Variants in NCOR1 observed in about 807,000 individuals in gnomAD.
NCOR1 encodes nuclear receptor corepressor 1.
NCOR1 carries 63 observed loss-of-function variants against 288.1 expected under a neutral mutation model. The observed-to-expected ratio is 0.22, with a 90% CI of 0.18 to 0.27. The LOEUF (loss-of-function observed/expected upper bound fraction) is 0.27, where lower values mean the gene tolerates loss of function less well. NCOR1 is among the 10% of genes least tolerant of loss of function. The probability of loss-of-function intolerance (pLI) is 1.00; values close to 1 mark genes in which losing one functional copy is unlikely to be tolerated. For missense variants in NCOR1, 2,397 were observed against 3,019.2 expected (o/e 0.79, Z 4.83); for synonymous variants, 1,007 against 1,065.9 (o/e 0.94, Z 1.08).
chr17:16,047,020 T>C lies in NCOR1; in HGVS notation c.6610A>G (p.Met2204Val), dbSNP rs2058747814. 1 of 1,613,926 alleles carries C rather than the reference T, an allele frequency of 6.2e-7. No individual in the cohort carries two copies. The highest frequency in any genetic ancestry group is 8.5e-7 in the Non-Finnish European group (1 of 1,179,956). ...ATCTCCTGCTTCTTTGATTTAACCA[T>C]GGGTGATGTATTTTCAAGCTTGGTG... ...FFTKLENTSP[M>V]VKSKKQEIFR... Residue 2204 changes from methionine (M) to valine (V), a missense_variant, in exon 42 of 46, where the codon ATG (methionine) becomes GTG (valine). This residue lies in a region of NCOR1 where 1,872 missense variants were observed against 2,187.8 expected (regional missense o/e 0.86). Transcript: ENST00000268712.
chr17:16,173,700 C>A (rs1330327808), intron 3 of NCOR1, among the ~76,000 whole-genome samples: 1 of 152,100 alleles, frequency 6.6e-6, no homozygotes, highest in African/African-American at 2.4e-5. Context: ...GAGGCCGGGG[C>A]GTGTGGATCA....
At chr17:16,170,764 C>A (rs996315685) in intron 4 of NCOR1, among the ~76,000 whole-genome samples, 2 of 151,336 alleles carry the variant, frequency 1.3e-5, no homozygotes, top group Non-Finnish European at 2.9e-5. Flanking sequence ...GAACCAGGAC[C>A]CGGGAGGCGG....
chr17:16,184,348 A>G (rs1394047555), intron 3 of NCOR1, among the ~76,000 whole-genome samples: 1 of 152,202 alleles, frequency 6.6e-6, no homozygotes, highest in Non-Finnish European at 1.5e-5. Context: ...TTTATAAAGA[A>G]CTCATAAAAC....
rs1346756259 is a variant in NCOR1, at chr17:16,171,909, C to T, written c.329G>A (p.Arg110His). 3.7e-6 allele frequency: 6 copies of T among 1,613,140 alleles called. No individual in the cohort carries two copies. Among genetic ancestry groups the T allele is most frequent in the East Asian group, 2.2e-5 (1 of 44,830 alleles). The change falls in exon 4 of 46, where the codon CGT (arginine) becomes CAT (histidine). Residue 110 changes from arginine to histidine, a missense_variant. Arg to His is a conservative substitution (Grantham distance 29). Transcript: ENST00000268712. ...DHDSLESKRP[R>H]LEQVSDSHFQ... ...ATGAGAATCAGAAACCTGTTCCAGACGTGGTCGCTTCGATTCCAGTGAATC... is the reference window on the plus strand; with the variant it reads ...ATGAGAATCAGAAACCTGTTCCAGATGTGGTCGCTTCGATTCCAGTGAATC...
Position 16,064,052 on chromosome 17 carries a change from A to C in NCOR1, c.5221+16T>G. 6.2e-7 allele frequency: 1 copy of C among 1,613,622 alleles called. No homozygotes were observed. The highest frequency in any genetic ancestry group is 8.5e-7 in the Non-Finnish European group (1 of 1,179,648). On this transcript the variant is annotated intron_variant, in intron 35 of 45. Coordinates refer to ENST00000268712, the MANE Select transcript of NCOR1 (RefSeq NM_006311.4). ...AGATGTGTCCAGAGAATGGAAGAGC[A>C]GTGCCTTTCACTGACCTGGCCGCAG...
At chr17:16,045,657 C>T (rs144455669) in intron 42 of NCOR1, among the ~76,000 whole-genome samples, 2,617 of 151,946 alleles carry the variant, frequency 0.017, 49 homozygotes, top group Admixed American at 0.048. Flanking sequence ...TACAGGTGCA[C>T]GCCACCATGA....
intron 1 of NCOR1, among the ~76,000 whole-genome samples, chr17:16,199,216 AACACACACACACACAC>A (rs148297225): frequency 8.2e-6 from 1 of 122,320 alleles, no homozygotes; most frequent in Non-Finnish European, 1.6e-5. Flanking sequence ...AAAAAAAAAA[AACACACACACACACAC>A]ACACACACAC....
At chr17:16,130,339 C>T (rs1164888289) in intron 14 of NCOR1, among the ~76,000 whole-genome samples, 2 of 152,226 alleles carry the variant, frequency 1.3e-5, no homozygotes, top group African/African-American at 4.8e-5. Flanking sequence ...GCCAGTCAAT[C>T]CACATGGTCT....
intron 3 of NCOR1, among the ~76,000 whole-genome samples, chr17:16,177,843 T>A (rs1244832423): frequency 6.6e-6 from 1 of 152,220 alleles, no homozygotes; most frequent in Non-Finnish European, 1.5e-5. Flanking sequence ...AATCAAAGAA[T>A]ATTCATGAGA....
At chr17:16,183,659 C>A (rs2086005788) in intron 3 of NCOR1, among the ~76,000 whole-genome samples, 1 of 151,934 alleles carries the variant, frequency 6.6e-6, no homozygotes, top group African/African-American at 2.4e-5. Context: ...TCCACACAAC[C>A]CAAAGAAATA....
rs1056607772 is a variant in NCOR1, at chr17:16,215,307, C to T, written c.-71+55G>A. 1.0e-5 allele frequency: 4 copies of T among 390,462 alleles called. No individual in the cohort carries two copies. The East Asian group carries it at 1.1e-4, about 11-fold the overall frequency. The allele number at this position is 390,462 out of a possible 1,614,324, so 24.2% of individuals were successfully genotyped here. ...TGCTGCCCCGGGAGCCCTCGGAAGC[C>T]CCCGGACTAGCAGGAGCCCGGAGGC... On this transcript the variant is annotated intron_variant, in intron 1 of 45. Coordinates refer to ENST00000268712, the MANE Select transcript of NCOR1 (RefSeq NM_006311.4).
intron 4 of NCOR1, among the ~76,000 whole-genome samples, chr17:16,170,107 C>CTGTGTGTGTGTGTGTG (rs61345864): frequency 0.018 from 2,671 of 147,656 alleles, 39 homozygotes; most frequent in African/African-American, 0.027. Context: ...TATTTGCTTT[C>CTGTGTGTGTGTGTGTG]TGTGTGTGTG....
intron 1 of NCOR1, among the ~76,000 whole-genome samples, chr17:16,211,320 G>GC (rs1417460455): frequency 6.6e-6 from 1 of 151,692 alleles, no homozygotes; most frequent in Non-Finnish European, 1.5e-5. Flanking sequence ...GAGTGCACTG[G>GC]CATGATCATG....
intron 19 of NCOR1, among the ~76,000 whole-genome samples, chr17:16,105,566 T>C (rs1339496009): frequency 6.6e-6 from 1 of 152,024 alleles, no homozygotes; most frequent in Admixed American, 6.6e-5. Context: ...ATTGATATAG[T>C]GAAAGACCAG....
chr17:16,067,173 C>CT, intron 32 of NCOR1, among the ~76,000 whole-genome samples: 1 of 152,358 alleles, frequency 6.6e-6, no homozygotes, highest in African/African-American at 2.4e-5. Context: ...AGACTGCTCT[C>CT]TAGAAACCTG....
intron 43 of NCOR1, 26 bp downstream of exon 43, chr17:16,040,415 G>C: frequency 6.2e-7 from 1 of 1,607,816 alleles, no homozygotes; most frequent in Non-Finnish European, 8.5e-7. Flanking sequence ...ATTTTGTATT[G>C]GTAAATAATG....
intron 6 of NCOR1, among the ~76,000 whole-genome samples, chr17:16,156,352 C>T (rs192735902): frequency 6.1e-4 from 93 of 151,514 alleles, no homozygotes; most frequent in Non-Finnish European, 1.3e-4. Context: ...AGGAGAATTG[C>T]TTGAACCTGG....
At chr17:16,105,106 C>CAGTA (rs973392096) in intron 19 of NCOR1, among the ~76,000 whole-genome samples, 7 of 152,130 alleles carry the variant, frequency 4.6e-5, no homozygotes, top group Non-Finnish European at 1.0e-4. Context: ...TCATAAATTG[C>CAGTA]AGTAAGGCCT....
chr17:16,146,833 C>T (rs566983692), intron 9 of NCOR1, among the ~76,000 whole-genome samples: 2 of 152,190 alleles, frequency 1.3e-5, no homozygotes, highest in African/African-American at 4.8e-5. Context: ...TGACCAGTTA[C>T]TTTTATTTTG....
Sources: allele counts gnomAD v4.1 joint callset (sites outside exome capture counted in the v4.1 genomes callset), GRCh38; gene constraint gnomAD v4.1.1; regional missense constraint gnomAD v4.1.1; transcripts MANE v1.5; gene names NCBI Gene and HGNC (gene_info 2026-07-23, HGNC 2026-07-21).